The following RBBP8NL variants were observed in gnomAD, a reference collection of about 807,000 sequenced individuals.
RBBP8NL encodes the protein RBBP8 N-terminal like.
In RBBP8NL, 59 loss-of-function variants were observed where a neutral mutation model predicts 62.2. That is an observed-to-expected ratio of 0.95 (90% CI 0.77 to 1.18). RBBP8NL has a LOEUF of 1.18. Among genes scored for constraint, RBBP8NL ranks in the 50% most tolerant of loss-of-function variants. The pLI is 0.00. For synonymous variants in RBBP8NL, 412 were observed against 394.1 expected, an observed-to-expected ratio of 1.05 and a Z score of -0.54; for missense variants, 896 against 899.5, an observed-to-expected ratio of 1.00 and a Z score of 0.05.
At chr20:62,418,488 G>A (rs1316462836) in intron 2 of RBBP8NL, 23 bp from the exon 3 acceptor site, 29 of 1,543,326 alleles carry the variant, frequency 1.9e-5, no homozygotes, top group East Asian at 2.4e-5. Flanking sequence ...GCAGAGGGGC[G>A]GGGGGTCAGG....
Position 62,410,724 on chromosome 20 carries a change from C to A in RBBP8NL, c.*154G>T. Reference sequence around the variant, plus strand: ...CTGTGGTGAGCAGGCAGAGAGCTGCCCTGGGCTCACTGTGGGTTCAGCTGA... The same window carrying A: ...CTGTGGTGAGCAGGCAGAGAGCTGCACTGGGCTCACTGTGGGTTCAGCTGA... On this transcript the variant is annotated 3_prime_UTR_variant, in exon 14 of 14. Transcript: ENST00000252998. 1 of 665,266 alleles carries A rather than the reference C, an allele frequency of 1.5e-6. No individual in the cohort carries two copies. Among genetic ancestry groups the A allele is most frequent in the South Asian group, 1.8e-5 (1 of 56,746 alleles). The allele number at this position is 665,266 out of a possible 1,614,324, so 41.2% of individuals were successfully genotyped here. A position where few individuals can be genotyped will look rare whatever the true frequency, so the allele number is the denominator to read the frequency against.
chr20:62,410,936 G>C lies in RBBP8NL; in HGVS notation c.1937C>G (p.Pro646Arg). 2.5e-6 allele frequency: 4 copies of C among 1,613,714 alleles called. No homozygotes were observed. Among genetic ancestry groups the C allele is most frequent in the Non-Finnish European group, 3.4e-6 (4 of 1,179,924 alleles). The change falls in exon 14 of 14, where the codon CCA becomes CGA. Residue 646 changes from proline (P) to arginine (R), a missense_variant. Pro to Arg is a moderately radical substitution (Grantham distance 103). Transcript: ENST00000252998. ...GGGACTGTGGTCCTCGGCGTCCCTT[G>C]GGCTCCCGGGCCCCTCAGTGGCTGT... ...KLTATEGPGS[P>R]RDAEDHSPSP... is the part of the protein sequence containing the mutation.
intron 1 of RBBP8NL, among the ~76,000 whole-genome samples, chr20:62,421,983 C>G (rs1381653672): frequency 6.6e-6 from 1 of 152,150 alleles, no homozygotes; most frequent in Non-Finnish European, 1.5e-5. Flanking sequence ...ACAACTGTGT[C>G]GGCCTCCTCC....
intron 1 of RBBP8NL, among the ~76,000 whole-genome samples, chr20:62,427,124 C>T (rs1446091304): frequency 1.3e-5 from 2 of 152,190 alleles, no homozygotes; most frequent in Non-Finnish European, 2.9e-5. Context: ...CGGGACAGGC[C>T]CAGGGTGGAG....
At chr20:62,411,500 C>A (rs1045321299) in intron 13 of RBBP8NL, among the ~76,000 whole-genome samples, 25 of 152,382 alleles carry the variant, frequency 1.6e-4, no homozygotes, top group South Asian at 1.0e-3. Flanking sequence ...TGACCTTGGG[C>A]AAGTGACCTC....
chr20:62,413,315 A>ACTC, intron 11 of RBBP8NL, 86 bp downstream of exon 11: 1 of 1,343,962 alleles, frequency 7.4e-7, no homozygotes, highest in East Asian at 2.9e-5. Context: ...GGAGACACCC[A>ACTC]CTCCTGGTGG....
At chr20:62,421,589 G>A (rs1032630583) in intron 1 of RBBP8NL, among the ~76,000 whole-genome samples, 1 of 149,332 alleles carries the variant, frequency 6.7e-6, no homozygotes, top group Admixed American at 6.7e-5. Flanking sequence ...CTGAGCCAGT[G>A]TGCATGTGTG....
rs765434530 is a variant in RBBP8NL at position 62,414,059 on chromosome 20, G to A, written c.1292C>T (p.Ala431Val). 6.3e-7 allele frequency: 1 copy of A among 1,594,882 alleles called. No homozygotes were observed. Among genetic ancestry groups the A allele is most frequent in the South Asian group, 1.1e-5 (1 of 88,496 alleles). Residue 431 changes from alanine (A) to valine (V), a missense_variant, in exon 10 of 14, where the codon GCA becomes GTA. Physicochemically the swap from Ala to Val is moderately conservative, Grantham distance 64. Transcript: ENST00000252998. ...GTCTAGGGCACAGTCCTGCGTGGCT[G>A]CAGCCTCTGTCCTCTGGGCGCGGCC... ...GPGRAQRTEAAATQDCALDKP... is the reference protein window; with the variant it reads ...GPGRAQRTEAVATQDCALDKP...
Position 62,417,405 on chromosome 20 carries a change from C to T in RBBP8NL, c.105-86G>A, listed in dbSNP as rs779997087. The T allele has an allele frequency of 2.8e-5, 29 of 1,048,524 alleles. No individual in the cohort carries two copies. In the Middle Eastern group the frequency reaches 8.9e-4, roughly 32 times the overall value. The allele number at this position is 1,048,524 out of a possible 1,614,324, so 65.0% of individuals were successfully genotyped here. The stretch of plus-strand genomic sequence containing the variant: ...CACCATCCAGCCTGGGGGGGCAGCG[C>T]GATTCGGCACCTGCAGCCTTGGTCT... On this transcript the variant is annotated intron_variant, in intron 3 of 13. Transcript: ENST00000252998.
intron 13 of RBBP8NL, 144 bp from the exon 14 acceptor site, chr20:62,411,140 A>G: frequency 1.5e-6 from 1 of 658,864 alleles, no homozygotes; most frequent in Non-Finnish European, 2.7e-6. Context: ...TTGTTCCTAC[A>G]GAAACCGGTG....
intron 8 of RBBP8NL, 109 bp from the exon 9 acceptor site, chr20:62,415,396 C>G (rs1988539332): frequency 2.1e-6 from 3 of 1,407,260 alleles, no homozygotes; most frequent in Non-Finnish European, 2.9e-6. Context: ...TGCCCCTGCT[C>G]ACTGCTGAGC....
chr20:62,414,318 C>T lies in RBBP8NL; in HGVS notation c.1033G>A (p.Gly345Ser), dbSNP rs995148757. The T allele has an allele frequency of 6.4e-7, 1 of 1,561,662 alleles. No homozygotes were observed. Residue 345 changes from glycine (G) to serine (S), a missense_variant, in exon 10 of 14, where the codon GGC becomes AGC. Physicochemically the swap from Gly to Ser is moderately conservative, Grantham distance 56 (BLOSUM62 0). Transcript: ENST00000252998. ...CCCTCCAGGCGAAGGTCCTGCATGC[C>T]CGCCAGGGCACTGGGCAGCCCCAGC... ...ELLGLPSALA[G>S]MQDLRLEGAL...
chr20:62,421,207 AGT>A (rs371795324), intron 1 of RBBP8NL, among the ~76,000 whole-genome samples: 44 of 151,566 alleles, frequency 2.9e-4, no homozygotes, highest in African/African-American at 9.7e-4. Context: ...CGGGTGGGGG[AGT>A]GTGTGTGTTT....
chr20:62,419,718 C>T lies in RBBP8NL; in HGVS notation c.-71G>A, dbSNP rs547183828. 3.1e-5 allele frequency: 47 copies of T among 1,523,842 alleles called. No homozygotes were observed. The African/African-American group carries it at 6.3e-4, about 20-fold the overall frequency. 94.4% of individuals were successfully genotyped at this position (1,523,842 alleles called of 1,614,324 possible). A position where few individuals can be genotyped will look rare whatever the true frequency, so the allele number is the denominator to read the frequency against. ...GAGACGCCTGCAGCCTCTACTGCCCCTCTGTGTCCATCCTGAAGAGGAGGA... is the reference window on the plus strand; with the variant it reads ...GAGACGCCTGCAGCCTCTACTGCCCTTCTGTGTCCATCCTGAAGAGGAGGA... On this transcript the variant is annotated 5_prime_UTR_variant, in exon 2 of 14. Transcript: ENST00000252998.
At position 62,410,586 on chromosome 20, in the gene RBBP8NL, T is replaced by G; in HGVS notation, c.*292A>C. The G allele has an allele frequency of 2.3e-6, 1 of 435,974 alleles. No homozygotes were observed. Among genetic ancestry groups the G allele is most frequent in the South Asian group, 4.0e-5 (1 of 24,832 alleles). The allele number at this position is 435,974 out of a possible 1,614,324, so 27.0% of individuals were successfully genotyped here. The stretch of plus-strand genomic sequence containing the variant: ...CCCAGGTGGGTGGAGACGGGGTGAA[T>G]CGCCAGCCTGAGACCCCTCTCGGTC... On this transcript the variant is annotated 3_prime_UTR_variant, in exon 14 of 14. Transcript: ENST00000252998.
chr20:62,419,709 C>G lies in RBBP8NL; in HGVS notation c.-62G>C. The G allele has an allele frequency of 6.4e-7, 1 of 1,553,290 alleles. No homozygotes were observed. The highest frequency in any genetic ancestry group is 1.4e-5 in the African/African-American group (1 of 73,598). ...GGGGTTGTGGAGACGCCTGCAGCCT[C>G]TACTGCCCCTCTGTGTCCATCCTGA... On this transcript the variant is annotated 5_prime_UTR_variant, in exon 2 of 14. It removes the in-frame stop codon of an upstream open reading frame in the 5' UTR. Coordinates refer to ENST00000252998, the MANE Select transcript of RBBP8NL (RefSeq NM_080833.3).
intron 1 of RBBP8NL, among the ~76,000 whole-genome samples, chr20:62,425,432 C>A (rs1056181851): frequency 2.0e-5 from 3 of 152,214 alleles, no homozygotes; most frequent in African/African-American, 7.2e-5. Context: ...GGGCTCACGG[C>A]ATCTCTGTGG....
intron 3 of RBBP8NL, among the ~76,000 whole-genome samples, chr20:62,418,075 A>G (rs972054498): frequency 1.2e-4 from 19 of 152,216 alleles, no homozygotes; most frequent in African/African-American, 4.3e-4. Context: ...AGCCGGGTCT[A>G]TAAGCCAGAA....
chr20:62,423,216 G>A (rs1469157770), intron 1 of RBBP8NL, among the ~76,000 whole-genome samples: 1 of 152,138 alleles, frequency 6.6e-6, no homozygotes, highest in Non-Finnish European at 1.5e-5. Flanking sequence ...ACCACACCAC[G>A]AAGACCTCGC....
Sources: gnomAD v4.1 joint callset for allele counts (sites outside exome capture counted in the v4.1 genomes callset) on GRCh38, gnomAD v4.1.1 for gene constraint, MANE v1.5 for transcripts, NCBI Gene and HGNC (gene_info 2026-07-23, HGNC 2026-07-21) for gene names.